Variants in LPAR3 observed in about 807,000 individuals in gnomAD.
LPAR3 encodes the protein lysophosphatidic acid receptor 3, also known as LPA receptor 3.
A neutral mutation model predicts 17.8 loss-of-function variants in LPAR3; 7 were observed. That is an observed-to-expected ratio of 0.39 (90% CI 0.22 to 0.74). The LOEUF is 0.74. Ranked by LOEUF, LPAR3 falls within the 30% of genes least tolerant of loss-of-function variation. LPAR3 has a pLI of 0.40. For missense variants in LPAR3, 391 were observed against 453.4 expected, an observed-to-expected ratio of 0.86 and a Z score of 1.25; for synonymous variants, 179 against 179.9, an observed-to-expected ratio of 0.99 and a Z score of 0.04.
At chr1:84,833,461 G>T (rs540657092) in intron 2 of LPAR3, among the ~76,000 whole-genome samples, 1 of 152,136 alleles carries the variant, frequency 6.6e-6, no homozygotes, top group Non-Finnish European at 1.5e-5. Flanking sequence ...AGGACTGAGC[G>T]AGAGAATGGA....
rs928839141 is a variant in LPAR3 at position 84,822,137 on chromosome 1, G to A, written c.737-7966C>T. 2.6e-4 allele frequency among the ~76,000 whole-genome samples: 40 copies of A among 152,156 alleles called. 1 individual carries two copies. The highest frequency in any genetic ancestry group is 1.5e-3 in the East Asian group (8 of 5,198). ...GAATGCCTTTATGAGGACTCAGTTTGTATAACAAACCTATTTCCTTCTGTG... is the reference window on the plus strand; with the variant it reads ...GAATGCCTTTATGAGGACTCAGTTTATATAACAAACCTATTTCCTTCTGTG... On this transcript the variant is annotated intron_variant, in intron 2 of 2. Transcript: ENST00000370611.
chr1:84,815,849 G>A (rs539323553), intron 2 of LPAR3, among the ~76,000 whole-genome samples: 1 of 152,196 alleles, frequency 6.6e-6, no homozygotes, highest in South Asian at 2.1e-4. Context: ...CTAGCAGGGG[G>A]GTTGAATTCC....
intron 2 of LPAR3, among the ~76,000 whole-genome samples, chr1:84,857,117 T>C (rs2102761552): frequency 6.6e-6 from 1 of 152,278 alleles, no homozygotes; most frequent in East Asian, 1.9e-4. Flanking sequence ...TTGTCCATTT[T>C]ATAAAATCTG....
At chr1:84,886,707 A>G (rs2102774930) in intron 1 of LPAR3, among the ~76,000 whole-genome samples, 1 of 152,324 alleles carries the variant, frequency 6.6e-6, no homozygotes, top group Admixed American at 6.5e-5. Context: ...ATCATGTTGT[A>G]TGCCTTAAAT....
At chr1:84,858,036 T>C (rs1659861221) in intron 2 of LPAR3, among the ~76,000 whole-genome samples, 1 of 152,230 alleles carries the variant, frequency 6.6e-6, no homozygotes, top group African/African-American at 2.4e-5. Context: ...AGAGTTGTTA[T>C]GAGGGTTAAG....
At chr1:84,817,508 TCCA>T (rs1658960762) in intron 2 of LPAR3, among the ~76,000 whole-genome samples, 2 of 152,146 alleles carry the variant, frequency 1.3e-5, no homozygotes, top group African/African-American at 4.8e-5. Context: ...GATCTTGGCC[TCCA>T]GGTGGAGGAG....
At chr1:84,869,707 TA>T (rs1660122108) in intron 1 of LPAR3, among the ~76,000 whole-genome samples, 2 of 152,224 alleles carry the variant, frequency 1.3e-5, no homozygotes, top group Admixed American at 6.5e-5. Context: ...CTGTAATAAG[TA>T]AATCAAGACT....
rs1317522066 is a variant in LPAR3 at position 84,811,720 on chromosome 1, CTAT to C, written c.*2123_*2125del. 3 of 152,132 alleles carry C rather than the reference CTAT, an allele frequency of 2.0e-5. No homozygotes were observed. Among genetic ancestry groups the C allele is most frequent in the African/African-American group, 4.8e-5 (2 of 41,430 alleles). The allele number at this position is 152,132 out of a possible 1,614,324, so 9.4% of individuals were successfully genotyped here. A position where few individuals can be genotyped will look rare whatever the true frequency, so the allele number is the denominator to read the frequency against. On this transcript the variant is annotated 3_prime_UTR_variant, in exon 3 of 3. Transcript: ENST00000370611. Reference sequence around the variant, plus strand: ...AAATCATAATATTCTCTATTTTAGGCTATTATATTTAGAAGCATGACATCTCAA... The same window carrying C: ...AAATCATAATATTCTCTATTTTAGGCTATATTTAGAAGCATGACATCTCAA...
chr1:84,878,930 T>G (rs1660308758), intron 1 of LPAR3, among the ~76,000 whole-genome samples: 1 of 152,216 alleles, frequency 6.6e-6, no homozygotes, highest in Non-Finnish European at 1.5e-5. Context: ...TAGTGTTCCC[T>G]GCCTTTGAAT....
intron 2 of LPAR3, among the ~76,000 whole-genome samples, chr1:84,838,967 A>G (rs1659454044): frequency 2.0e-5 from 3 of 152,180 alleles, no homozygotes; most frequent in Admixed American, 6.5e-5. Context: ...CAGGTCCACA[A>G]TCCAGATCCT....
chr1:84,813,957 C>T lies in LPAR3; in HGVS notation c.951G>A (p.Glu317=). The T allele has an allele frequency of 6.2e-7, 1 of 1,614,172 alleles. No individual in the cohort carries two copies. The highest frequency in any genetic ancestry group is 8.5e-7 in the Non-Finnish European group (1 of 1,180,032). Residue 317 remains glutamate (E), a synonymous_variant, in exon 3 of 3, where the codon GAG becomes GAA. Coordinates refer to ENST00000370611, the MANE Select transcript of LPAR3 (RefSeq NM_012152.3). The stretch of plus-strand genomic sequence containing the variant: ...TGGAGGGGATGCGAGAGGGACGCCT[C>T]TCTGGGTTCTCCTGAGAGAAGCAGC... ...MICCFSQENP[E]RRPSRIPSTV...
intron 2 of LPAR3, among the ~76,000 whole-genome samples, chr1:84,837,286 G>A (rs1369289025): frequency 6.6e-6 from 1 of 152,168 alleles, no homozygotes; most frequent in Admixed American, 6.5e-5. Context: ...CTCCCAAAGT[G>A]CTGTGATTAC....
chr1:84,827,649 A>G (rs1269672042), intron 2 of LPAR3, among the ~76,000 whole-genome samples: 1 of 152,146 alleles, frequency 6.6e-6, no homozygotes, highest in Non-Finnish European at 1.5e-5. Flanking sequence ...CCTAACAGGC[A>G]CTGCTGACCA....
Position 84,865,852 on chromosome 1 carries a change from G to A in LPAR3, c.269C>T (p.Thr90Ile), listed in dbSNP as rs1265205970. 1 of 1,614,194 alleles carries A rather than the reference G, an allele frequency of 6.2e-7. No homozygotes were observed. The highest frequency in any genetic ancestry group is 2.2e-5 in the East Asian group (1 of 44,880). ...AGTCAAAGTTTTTGAAACTGGGCCTGTGTTAAACATCAGGAATACATAGGC... is the reference window on the plus strand; with the variant it reads ...AGTCAAAGTTTTTGAAACTGGGCCTATGTTAAACATCAGGAATACATAGGC... Reference protein sequence around the residue: ...GIAYVFLMFNTGPVSKTLTVN... With the variant: ...GIAYVFLMFNIGPVSKTLTVN... Residue 90 changes from threonine to isoleucine, a missense_variant, in exon 2 of 3, where the codon ACA (threonine) becomes ATA (isoleucine). Physicochemically the swap from Thr to Ile is moderately conservative, Grantham distance 89. Transcript: ENST00000370611.
chr1:84,833,681 G>T (rs972576713), intron 2 of LPAR3, among the ~76,000 whole-genome samples: 10 of 152,174 alleles, frequency 6.6e-5, no homozygotes, highest in Non-Finnish European at 1.3e-4. Context: ...CCTTAGGCAA[G>T]GTGTATTTAA....
intron 1 of LPAR3, among the ~76,000 whole-genome samples, chr1:84,890,767 T>G (rs769885810): frequency 6.6e-6 from 1 of 152,182 alleles, no homozygotes; most frequent in African/African-American, 2.4e-5. Flanking sequence ...CCATTTCAGT[T>G]ATAGTGATTC....
At chr1:84,828,080 A>C (rs1659197015) in intron 2 of LPAR3, among the ~76,000 whole-genome samples, 1 of 152,282 alleles carries the variant, frequency 6.6e-6, no homozygotes, top group East Asian at 1.9e-4. Flanking sequence ...TTCATCTGAG[A>C]TCTGGACACT....
In LPAR3 at chr1:84,836,293, G is replaced by A. The variant is rs77824728; in HGVS notation, c.737-22122C>T. 5.3e-3 allele frequency among the ~76,000 whole-genome samples: 747 copies of A among 139,666 alleles called. 7 individuals carry two copies. The highest frequency in any genetic ancestry group is 0.019 in the African/African-American group (711 of 37,232). The allele number at this position is 139,666 out of a possible 152,430, so 91.6% of individuals were successfully genotyped here. On this transcript the variant is annotated intron_variant, in intron 2 of 2. Transcript: ENST00000370611. ...GTCATGGCCTCAGTGAGTCATCATC[G>A]TAACACTGCACTCCAGCCTGGGCGA...
At chr1:84,880,734 A>G (rs937174914) in intron 1 of LPAR3, among the ~76,000 whole-genome samples, 2 of 152,224 alleles carry the variant, frequency 1.3e-5, no homozygotes, top group African/African-American at 4.8e-5. Flanking sequence ...GAATTGTAGT[A>G]CCAGGGAAGC....
Sources: allele counts gnomAD v4.1 joint callset (sites outside exome capture counted in the v4.1 genomes callset), GRCh38; gene constraint gnomAD v4.1.1; transcripts MANE v1.5; gene names NCBI Gene and HGNC (gene_info 2026-07-23, HGNC 2026-07-21).